Variants in RRBP1 observed in about 807,000 individuals in gnomAD.
RRBP1 encodes ribosome-binding protein 1.
Under a neutral mutation model 165.2 loss-of-function variants are expected in RRBP1, and 94 were observed. That is an observed-to-expected ratio of 0.57 (90% CI 0.48 to 0.68). The LOEUF (loss-of-function observed/expected upper bound fraction) is 0.68, where lower values mean the gene tolerates loss of function less well. Among genes scored for constraint, RRBP1 ranks in the 30% least tolerant of loss-of-function variants. RRBP1 has a pLI of 0.00. For missense variants in RRBP1, 1,676 were observed against 1,763.0 expected, an observed-to-expected ratio of 0.95 and a Z score of 0.88; for synonymous variants, 680 against 714.5, an observed-to-expected ratio of 0.95 and a Z score of 0.77.
intron 2 of RRBP1, among the ~76,000 whole-genome samples, chr20:17,664,779 G>A (rs886322039): frequency 2.2e-4 from 34 of 152,288 alleles, no homozygotes; most frequent in Admixed American, 3.9e-4. Flanking sequence ...ACGGGGGACC[G>A]TGTGTGGAAG....
chr20:17,655,464 T>A (rs932841757), intron 3 of RRBP1, among the ~76,000 whole-genome samples: 3 of 152,272 alleles, frequency 2.0e-5, no homozygotes, highest in African/African-American at 7.2e-5. Context: ...TCTAAAGAAT[T>A]TGGCACCCGA....
intron 22 of RRBP1, 137 bp from the exon 23 acceptor site, chr20:17,615,666 G>A (rs1600721708): frequency 3.0e-6 from 2 of 675,448 alleles, no homozygotes; most frequent in East Asian, 2.9e-5. Flanking sequence ...TAGCTGGAAT[G>A]AGTGGGCCAG....
rs2036709410 is a variant in RRBP1, at chr20:17,659,307, T to C, written c.1201A>G (p.Lys401Glu). The C allele has an allele frequency of 2.6e-6, 4 of 1,539,728 alleles. No individual in the cohort carries two copies. The highest frequency in any genetic ancestry group is 3.5e-6 in the Non-Finnish European group (4 of 1,143,662). The change falls in exon 3 of 25, where the codon AAG becomes GAG. Residue 401 changes from lysine to glutamate, a missense_variant. By Grantham distance (56) the Lys-to-Glu change is moderately conservative (BLOSUM62 1). Transcript: ENST00000377813. Reference protein sequence around the residue: ...KVEGAQNQGKKAEGAQNQGKK... With the variant: ...KVEGAQNQGKEAEGAQNQGKK... Reference sequence around the variant, plus strand: ...CCCTGGTTCTGGGCACCCTCAGCCTTCTTGCCCTGGTTCTGGGCCCCTTCT... The same window carrying C: ...CCCTGGTTCTGGGCACCCTCAGCCTCCTTGCCCTGGTTCTGGGCCCCTTCT...
chr20:17,633,634 C>T (rs754986742), intron 7 of RRBP1, 21 bp from the exon 8 acceptor site: 25 of 1,611,738 alleles, frequency 1.6e-5, no homozygotes, highest in East Asian at 8.9e-5. Flanking sequence ...GTCACCAGCC[C>T]GACTAATGGA....
rs536736496 is a variant in RRBP1, at chr20:17,658,124, C to A, written c.1912+472G>T. ...CAAGACACGGACCTGTTGCTCACTCCTCACCTCTCCTTTCTCACATCACCT... is the reference window on the plus strand; with the variant it reads ...CAAGACACGGACCTGTTGCTCACTCATCACCTCTCCTTTCTCACATCACCT... On this transcript the variant is annotated intron_variant, in intron 3 of 24. Coordinates refer to ENST00000377813, the MANE Select transcript of RRBP1 (RefSeq NM_001365613.2). Among the ~76,000 whole-genome samples, 17 of 152,348 alleles carry A rather than the reference C, an allele frequency of 1.1e-4. No homozygotes were observed. In the South Asian group the frequency reaches 3.5e-3, roughly 32 times the overall value.
rs1568761717 is a variant in RRBP1, at chr20:17,629,969, C to CGGGCAGGGGAGTG, written c.2611-21_2611-9dup. ...ACTCTCCCTGTGGGACGCCTGGGGA[C>CGGGCAGGGGAGTG]GGGCAGGGGAGTGGGGCAGTGAAGA... On this transcript the variant is annotated splice_polypyrimidine_tract_variant and intron_variant, in intron 8 of 24. Transcript: ENST00000377813. The CGGGCAGGGGAGTG allele has an allele frequency of 1.9e-6, 3 of 1,591,700 alleles. No homozygotes were observed. The highest frequency in any genetic ancestry group is 2.7e-5 in the African/African-American group (2 of 74,754).
rs2036368577 is a variant in RRBP1 at position 17,641,876 on chromosome 20, A to G, written c.2105T>C (p.Leu702Pro). ...GDPVAILKRQ[L>P]EEKEKLLATE... ...GGCCAGCAGTTTTTCCTTCTCTTCC[A>G]GCTGGCGTTTCAGAATCGCCACAGG... is the stretch of plus-strand genomic sequence containing the variant. The change falls in exon 5 of 25, where the codon CTG becomes CCG. Residue 702 changes from leucine to proline, a missense_variant. Physicochemically the swap from Leu to Pro is moderately conservative, Grantham distance 98. Transcript: ENST00000377813. 6.2e-7 allele frequency: 1 copy of G among 1,614,076 alleles called. No individual in the cohort carries two copies. Among genetic ancestry groups the G allele is most frequent in the Non-Finnish European group, 8.5e-7 (1 of 1,179,966 alleles).
intron 2 of RRBP1, among the ~76,000 whole-genome samples, chr20:17,670,455 CAG>C (rs2036955981): frequency 7.7e-6 from 1 of 130,380 alleles, no homozygotes. Context: ...AAAAAAAAAA[CAG>C]TAACACACAG....
rs201064074 is a variant in RRBP1, at chr20:17,636,558, C to T, written c.2337+19G>A. On this transcript the variant is annotated intron_variant, in intron 6 of 24. Coordinates refer to ENST00000377813, the MANE Select transcript of RRBP1 (RefSeq NM_001365613.2). ...TGGGTCCTGTCCCTTCCCATGCCCCCGCCAGCCACTACACCCACCTTGCCC... is the reference window on the plus strand; with the variant it reads ...TGGGTCCTGTCCCTTCCCATGCCCCTGCCAGCCACTACACCCACCTTGCCC... 8.0e-4 allele frequency: 1,279 copies of T among 1,607,984 alleles called. 2 individuals are homozygous for T. Among genetic ancestry groups the T allele is most frequent in the Non-Finnish European group, 9.3e-4 (1,098 of 1,178,984 alleles).
chr20:17,637,858 G>C (rs2036276763), intron 5 of RRBP1, among the ~76,000 whole-genome samples: 2 of 152,186 alleles, frequency 1.3e-5, no homozygotes, highest in South Asian at 4.1e-4. Context: ...TACAGAAGTG[G>C]GGGGCGGGAT....
intron 2 of RRBP1, among the ~76,000 whole-genome samples, chr20:17,672,692 T>C (rs1273728176): frequency 2.6e-5 from 4 of 152,212 alleles, no homozygotes; most frequent in African/African-American, 9.7e-5. Flanking sequence ...AATGGAAATG[T>C]GTATAGACAT....
intron 9 of RRBP1, 37 bp downstream of exon 9, chr20:17,629,786 T>C (rs2036110951): frequency 1.9e-6 from 3 of 1,578,340 alleles, no homozygotes; most frequent in Non-Finnish European, 2.6e-6. Flanking sequence ...CCCAGCACCC[T>C]GCACTGAACC....
chr20:17,674,637 G>C (rs1025725074), intron 2 of RRBP1, among the ~76,000 whole-genome samples: 1 of 151,882 alleles, frequency 6.6e-6, no homozygotes, highest in African/African-American at 2.4e-5. Flanking sequence ...TTGGTGGTGG[G>C]CGCCTGTAGT....
At chr20:17,621,113 G>C (rs757198976) in intron 16 of RRBP1, among the ~76,000 whole-genome samples, 1 of 152,192 alleles carries the variant, frequency 6.6e-6, no homozygotes, top group South Asian at 2.1e-4. Context: ...CCAGGACGAG[G>C]AGCACAGGAT....
intron 2 of RRBP1, among the ~76,000 whole-genome samples, chr20:17,677,562 G>A (rs974041281): frequency 3.3e-5 from 5 of 152,196 alleles, no homozygotes; most frequent in African/African-American, 4.8e-5. Flanking sequence ...TATGGAGGCC[G>A]GGCACGGTGG....
intron 5 of RRBP1, 199 bp downstream of exon 5, chr20:17,641,598 C>G (rs186101774): frequency 5.1e-5 from 33 of 642,646 alleles, no homozygotes; most frequent in Admixed American, 8.1e-5. Context: ...CGTAGAGCCA[C>G]GAGCACTGCC....
chr20:17,636,518 G>C, intron 6 of RRBP1, 59 bp downstream of exon 6: 1 of 1,583,192 alleles, frequency 6.3e-7, no homozygotes, highest in Non-Finnish European at 8.6e-7. Context: ...GGCTCCCTCC[G>C]TCCTGGACCT....
At chr20:17,630,758 A>G (rs2036133446) in intron 8 of RRBP1, among the ~76,000 whole-genome samples, 1 of 152,196 alleles carries the variant, frequency 6.6e-6, no homozygotes. Context: ...AAGCCCGACC[A>G]CTGATTATTC....
intron 13 of RRBP1, among the ~76,000 whole-genome samples, chr20:17,624,192 G>A (rs752495253): frequency 3.3e-5 from 5 of 152,258 alleles, no homozygotes; most frequent in African/African-American, 1.2e-4. Flanking sequence ...AAGGACGGCA[G>A]GGAAGGAGGT....
Sources: allele counts gnomAD v4.1 joint callset (sites outside exome capture counted in the v4.1 genomes callset), GRCh38; gene constraint gnomAD v4.1.1; transcripts MANE v1.5; gene names NCBI Gene and HGNC (gene_info 2026-07-23, HGNC 2026-07-21).